NEDD4: variants seen among roughly 807,000 people sequenced by gnomAD.
NEDD4 encodes the protein E3 ubiquitin-protein ligase NEDD4.
NEDD4 carries 99 observed loss-of-function variants against 144.9 expected under a neutral mutation model. The observed-to-expected ratio is 0.68, with a 90% CI of 0.58 to 0.81. NEDD4 has a LOEUF of 0.81. Ranked by LOEUF, NEDD4 falls within the 30% of genes least tolerant of loss-of-function variation. The probability of loss-of-function intolerance (pLI) is 0.00; values close to 1 mark genes in which losing one functional copy is unlikely to be tolerated. For synonymous variants in NEDD4, 318 were observed against 350.6 expected, an observed-to-expected ratio of 0.91 and a Z score of 1.04; for missense variants, 985 against 1,065.9, an observed-to-expected ratio of 0.92 and a Z score of 1.06.
intron 5 of NEDD4, among the ~76,000 whole-genome samples, chr15:55,904,438 G>T (rs1212031113): frequency 1.3e-5 from 2 of 151,976 alleles, no homozygotes; most frequent in Non-Finnish European, 2.9e-5. Context: ...GAGTAGCTGG[G>T]ATTACAGGCG....
chr15:55,992,384 G>C (rs551400586), intron 1 of NEDD4, among the ~76,000 whole-genome samples: 1 of 152,222 alleles, frequency 6.6e-6, no homozygotes, highest in South Asian at 2.1e-4. Context: ...TATAAACAAA[G>C]AACTCTCAAG....
chr15:55,982,593 T>C (rs1324410817), intron 1 of NEDD4, among the ~76,000 whole-genome samples: 5 of 152,144 alleles, frequency 3.3e-5, no homozygotes. Flanking sequence ...CGGGCAGAAT[T>C]GACTGGAAGA....
chr15:55,906,749 T>A (rs2036113580), intron 5 of NEDD4, among the ~76,000 whole-genome samples: 1 of 151,968 alleles, frequency 6.6e-6, no homozygotes, highest in African/African-American at 2.4e-5. Flanking sequence ...ATCTGCACAT[T>A]GTGCACATGT....
In NEDD4 at chr15:55,956,513, A is replaced by G. The variant is rs1253938843; in HGVS notation, c.120-4924T>C. ...TCATTCTATACAGACCAGTTGTTCT[A>G]GTACTGTGTACTGAAAGACTACCCT... On this transcript the variant is annotated intron_variant, in intron 2 of 28. Transcript: ENST00000435532. Among the ~76,000 whole-genome samples the G allele has an allele frequency of 2.0e-5, 3 of 152,234 alleles. 1 individual carries two copies. Among genetic ancestry groups the G allele is most frequent in the Admixed American group, 1.3e-4 (2 of 15,278 alleles).
intron 4 of NEDD4, among the ~76,000 whole-genome samples, chr15:55,949,124 T>C (rs1187621453): frequency 1.3e-5 from 2 of 151,936 alleles, no homozygotes; most frequent in Non-Finnish European, 2.9e-5. Flanking sequence ...AACAACCCCA[T>C]CAAGAAGCGG....
At chr15:55,978,144 C>A (rs1235934630) in intron 1 of NEDD4, among the ~76,000 whole-genome samples, 3 of 152,106 alleles carry the variant, frequency 2.0e-5, no homozygotes, top group Non-Finnish European at 4.4e-5. Context: ...TTAGCCTCGA[C>A]TGAAACACTC....
At chr15:55,846,488 C>T (rs1242177807) in intron 18 of NEDD4, among the ~76,000 whole-genome samples, 2 of 152,124 alleles carry the variant, frequency 1.3e-5, no homozygotes, top group Admixed American at 1.3e-4. Flanking sequence ...AGACAAGTCA[C>T]AAGAGCACAG....
chr15:55,973,581 C>T (rs1309349273), intron 1 of NEDD4, among the ~76,000 whole-genome samples: 1 of 151,998 alleles, frequency 6.6e-6, no homozygotes, highest in Admixed American at 6.6e-5. Flanking sequence ...AAAGTATCTT[C>T]TCTGACTACA....
chr15:55,943,662 T>A (rs1595864871), intron 4 of NEDD4, among the ~76,000 whole-genome samples: 1 of 152,168 alleles, frequency 6.6e-6, no homozygotes, highest in African/African-American at 2.4e-5. Flanking sequence ...AGTCTGGATA[T>A]TGCAGGGGCA....
chr15:55,964,650 G>GGTGTGTGTGTGT (rs60902586), intron 2 of NEDD4, among the ~76,000 whole-genome samples: 2 of 144,308 alleles, frequency 1.4e-5, no homozygotes, highest in Non-Finnish European at 3.0e-5. Flanking sequence ...TTTTGCTGCT[G>GGTGTGTGTGTGT]GTGTGTGTGT....
chr15:55,968,448 C>T (rs72734364), intron 1 of NEDD4, among the ~76,000 whole-genome samples: 20,207 of 151,682 alleles, frequency 0.13, 1,460 homozygotes, highest in East Asian at 0.32. Flanking sequence ...ATGAAAAAAA[C>T]AAGGGGATAT....
At chr15:55,919,848 T>C (rs1015575633) in intron 5 of NEDD4, among the ~76,000 whole-genome samples, 1 of 152,166 alleles carries the variant, frequency 6.6e-6, no homozygotes, top group African/African-American at 2.4e-5. Flanking sequence ...TGACTGAACT[T>C]TGAAGGCCAA....
chr15:55,856,177 C>T lies in NEDD4; in HGVS notation c.980G>A (p.Gly327Asp). The T allele has an allele frequency of 6.2e-7, 1 of 1,610,364 alleles. No individual in the cohort carries two copies. Among genetic ancestry groups the T allele is most frequent in the Non-Finnish European group, 8.5e-7 (1 of 1,179,020 alleles). ...ASSSNHSSRRGSLQAYTFEEQ... is the reference protein window; with the variant it reads ...ASSSNHSSRRDSLQAYTFEEQ... Reference sequence around the variant, plus strand: ...CTCAAAAGTATAGGCTTGTAAGCTGCCTCTTCTGCTGGAATGATTCTTGTG... The same window carrying T: ...CTCAAAAGTATAGGCTTGTAAGCTGTCTCTTCTGCTGGAATGATTCTTGTG... The change falls in exon 12 of 29, where the codon GGC becomes GAC. Residue 327 changes from glycine to aspartate, a missense_variant. Coordinates refer to ENST00000435532, the MANE Select transcript of NEDD4 (RefSeq NM_006154.4).
rs1363486538 is a variant in NEDD4, at chr15:55,903,167, T to C, written c.291+21479A>G. ...CAGAGTGTAAACATTATTCATTAGA[T>C]TGTAGTCAGCCCAAATGGAATTTTT... On this transcript the variant is annotated intron_variant, in intron 5 of 28. Transcript: ENST00000435532. Among the ~76,000 whole-genome samples the C allele has an allele frequency of 7.2e-5, 11 of 152,348 alleles. No homozygotes were observed. The South Asian group carries it at 1.0e-3, about 14-fold the overall frequency.
chr15:55,904,423 C>G (rs2036018777), intron 5 of NEDD4, among the ~76,000 whole-genome samples: 1 of 152,078 alleles, frequency 6.6e-6, no homozygotes, highest in Admixed American at 6.5e-5. Flanking sequence ...CTGTCATAGC[C>G]TCCTGAGTAG....
At chr15:55,930,514 A>C (rs1384352069) in intron 4 of NEDD4, among the ~76,000 whole-genome samples, 2 of 152,220 alleles carry the variant, frequency 1.3e-5, no homozygotes, top group Non-Finnish European at 2.9e-5. Flanking sequence ...TCCCCAAATG[A>C]TAATACAAAC....
intron 2 of NEDD4, among the ~76,000 whole-genome samples, chr15:55,955,486 C>T (rs188660170): frequency 2.5e-4 from 38 of 152,246 alleles, no homozygotes; most frequent in African/African-American, 8.9e-4. Flanking sequence ...CACCCCTCAC[C>T]CCAACACAGC....
chr15:55,830,607 G>C, intron 27 of NEDD4, 21 bp from the exon 28 acceptor site: 2 of 1,608,002 alleles, frequency 1.2e-6, no homozygotes, highest in Non-Finnish European at 8.5e-7. Flanking sequence ...GAATTTATTT[G>C]GTTTCATTTA....
At chr15:55,913,165 G>C (rs2142200020) in intron 5 of NEDD4, among the ~76,000 whole-genome samples, 1 of 152,178 alleles carries the variant, frequency 6.6e-6, no homozygotes, top group Non-Finnish European at 1.5e-5. Context: ...GCTCAGTACA[G>C]ATAGCTGACA....
Sources: allele counts gnomAD v4.1 joint callset (sites outside exome capture counted in the v4.1 genomes callset), GRCh38; gene constraint gnomAD v4.1.1; transcripts MANE v1.5; gene names NCBI Gene and HGNC (gene_info 2026-07-23, HGNC 2026-07-21).